KIF6: variants seen among roughly 807,000 people sequenced by gnomAD.
KIF6 encodes kinesin-like protein KIF6.
A neutral mutation model predicts 112.7 loss-of-function variants in KIF6; 106 were observed. The ratio of observed to expected loss-of-function variants is 0.94; its 90% confidence interval spans 0.80 to 1.11. KIF6 has a LOEUF of 1.11. KIF6 is among the 50% of genes least tolerant of loss of function. The pLI is 0.00. For missense variants in KIF6, 929 were observed against 964.0 expected (o/e 0.96, Z 0.48); for synonymous variants, 339 against 339.9 (o/e 1.00, Z 0.03).
chr6:39,346,073 TCTCTCTCTCTCTCCCCC>T (rs1562112704), intron 20 of KIF6, among the ~76,000 whole-genome samples: 10 of 20,436 alleles, frequency 4.9e-4, no homozygotes, highest in South Asian at 1.3e-3. Context: ...TCTCTCTCTC[TCTCTCTCTCTCTCCCCC>T]CCCTCTCCCT....
At chr6:39,593,294 C>CA (rs1236419835) in intron 7 of KIF6, among the ~76,000 whole-genome samples, 1 of 152,188 alleles carries the variant, frequency 6.6e-6, no homozygotes, top group East Asian at 1.9e-4. Flanking sequence ...AATTGATTAA[C>CA]AAAAGTCCTT....
chr6:39,354,503 G>A lies in KIF6; in HGVS notation c.2180+2774C>T, dbSNP rs78003751. On this transcript the variant is annotated intron_variant, in intron 19 of 22. Transcript: ENST00000287152. ...AGATCTAAATGTAAAAACACACAAT[G>A]ATGTAGGAACTAGAAGAAAATATGG... 9.4e-3 allele frequency among the ~76,000 whole-genome samples: 1,427 copies of A among 152,350 alleles called. 31 individuals carry two copies. Among genetic ancestry groups the A allele is most frequent in the African/African-American group, 0.033 (1,357 of 41,572 alleles).
At chr6:39,434,824 C>T (rs1161857717) in intron 13 of KIF6, among the ~76,000 whole-genome samples, 1 of 151,954 alleles carries the variant, frequency 6.6e-6, no homozygotes, top group African/African-American at 2.4e-5. Context: ...AAGAAGTTTC[C>T]AGGTGGAGGG....
intron 13 of KIF6, among the ~76,000 whole-genome samples, chr6:39,489,555 G>A (rs906309185): frequency 1.3e-5 from 2 of 152,056 alleles, no homozygotes; most frequent in African/African-American, 4.8e-5. Flanking sequence ...AGAAAAATAT[G>A]AAGAACAGAA....
At chr6:39,629,810 T>C (rs1278351261) in intron 5 of KIF6, among the ~76,000 whole-genome samples, 1 of 152,076 alleles carries the variant, frequency 6.6e-6, no homozygotes, top group Non-Finnish European at 1.5e-5. Context: ...AGAAGACTTA[T>C]AGTTTTGCAT....
chr6:39,440,961 G>A (rs1263517323), intron 13 of KIF6, among the ~76,000 whole-genome samples: 1 of 152,148 alleles, frequency 6.6e-6, no homozygotes, highest in African/African-American at 2.4e-5. Flanking sequence ...ATACATGCAT[G>A]GAATGGGGTT....
chr6:39,405,968 A>C (rs763753921), intron 15 of KIF6, among the ~76,000 whole-genome samples: 1 of 152,164 alleles, frequency 6.6e-6, no homozygotes, highest in African/African-American at 2.4e-5. Context: ...ACATTTGTGT[A>C]GACTGTTTAT....
chr6:39,402,291 C>T (rs547588865), intron 15 of KIF6, among the ~76,000 whole-genome samples: 3 of 152,178 alleles, frequency 2.0e-5, no homozygotes, highest in South Asian at 2.1e-4. Context: ...GGACTCAAGC[C>T]GTTTCGAGGA....
Position 39,540,085 on chromosome 6 carries a change from T to G in KIF6, c.1563A>C (p.Arg521Ser). ...GTGAGGGAGCTGAGGATAGTCGCAT[T>G]CTTTGACCTTCTTCTGGGTTTCCTA... ...FRLGNPEEGQ[R>S]MRLSSAPSQA... The change falls in exon 13 of 23, where the codon AGA becomes AGC. Residue 521 changes from arginine to serine, a missense_variant. Physicochemically the swap from Arg to Ser is moderately radical, Grantham distance 110. Transcript: ENST00000287152. The G allele has an allele frequency of 6.2e-7, 1 of 1,614,178 alleles. No homozygotes were observed. Among genetic ancestry groups the G allele is most frequent in the Non-Finnish European group, 8.5e-7 (1 of 1,180,012 alleles).
intron 22 of KIF6, among the ~76,000 whole-genome samples, chr6:39,340,177 T>C (rs977685383): frequency 3.3e-5 from 5 of 152,376 alleles, no homozygotes; most frequent in African/African-American, 9.6e-5. Flanking sequence ...AACCTGTCTT[T>C]GGCTTCCTTT....
chr6:39,512,749 A>T (rs1040153857), intron 13 of KIF6, among the ~76,000 whole-genome samples: 1 of 152,146 alleles, frequency 6.6e-6, no homozygotes, highest in Non-Finnish European at 1.5e-5. Context: ...AGATCCTTTC[A>T]ACCAGAGGCC....
chr6:39,397,253 T>C (rs1472590897), intron 15 of KIF6, among the ~76,000 whole-genome samples: 1 of 152,246 alleles, frequency 6.6e-6, no homozygotes, highest in Non-Finnish European at 1.5e-5. Flanking sequence ...ATATGATTGA[T>C]TTCTGTAATT....
At chr6:39,568,263 G>C (rs1780428918) in intron 10 of KIF6, among the ~76,000 whole-genome samples, 1 of 152,194 alleles carries the variant, frequency 6.6e-6, no homozygotes, top group Admixed American at 6.5e-5. Flanking sequence ...GTATATTCTA[G>C]ATCAAGTGGC....
chr6:39,412,612 G>A (rs1253569048), intron 15 of KIF6, among the ~76,000 whole-genome samples: 1 of 152,152 alleles, frequency 6.6e-6, no homozygotes, highest in Non-Finnish European at 1.5e-5. Flanking sequence ...TTCTTTAACA[G>A]GAATTATCTC....
At position 39,377,245 on chromosome 6, in the gene KIF6, C is replaced by A. The variant is rs1446538203; in HGVS notation, c.1861+8377G>T. On this transcript the variant is annotated intron_variant, in intron 16 of 22. Transcript: ENST00000287152. ...TTAATCTTTTCTAGAAATGAGGTCT[C>A]GCTATGCTGCCCAGGCTGGTCTCCA... Among the ~76,000 whole-genome samples, 4 of 152,148 alleles carry A rather than the reference C, an allele frequency of 2.6e-5. No individual in the cohort carries two copies. In the East Asian group the frequency reaches 7.7e-4, roughly 29 times the overall value.
At chr6:39,442,496 T>A (rs1340475815) in intron 13 of KIF6, among the ~76,000 whole-genome samples, 1 of 152,222 alleles carries the variant, frequency 6.6e-6, no homozygotes, top group Non-Finnish European at 1.5e-5. Context: ...ACGCAGGCAC[T>A]GAGTTTGGAA....
intron 13 of KIF6, among the ~76,000 whole-genome samples, chr6:39,511,179 C>A (rs1199457802): frequency 1.3e-5 from 2 of 152,034 alleles, no homozygotes; most frequent in Non-Finnish European, 1.5e-5. Context: ...ACAAGGATAT[C>A]CAGGACTTGA....
chr6:39,534,130 C>A (rs1778257005), intron 13 of KIF6, among the ~76,000 whole-genome samples: 1 of 152,138 alleles, frequency 6.6e-6, no homozygotes, highest in South Asian at 2.1e-4. Context: ...AGCAGAAAAA[C>A]TGGAAACTCT....
At chr6:39,607,971 GT>G (rs34123263) in intron 6 of KIF6, among the ~76,000 whole-genome samples, 16,219 of 152,146 alleles carry the variant, frequency 0.11, 1,634 homozygotes, top group East Asian at 0.29. Context: ...GCTTAAAGTT[GT>G]GTTAACAAAC....
Sources: gnomAD v4.1 joint callset for allele counts (sites outside exome capture counted in the v4.1 genomes callset) on GRCh38, gnomAD v4.1.1 for gene constraint, MANE v1.5 for transcripts, NCBI Gene and HGNC (gene_info 2026-07-23, HGNC 2026-07-21) for gene names.